PSMF1: variants seen among roughly 807,000 people sequenced by gnomAD.
The protein encoded by PSMF1 is proteasome inhibitor subunit 1.
A neutral mutation model predicts 29.3 loss-of-function variants in PSMF1; 30 were observed. The observed-to-expected ratio is 1.02, with a 90% CI of 0.77 to 1.39. The LOEUF (loss-of-function observed/expected upper bound fraction) is 1.39, where lower values mean the gene tolerates loss of function less well. Among genes scored for constraint, PSMF1 ranks in the 40% most tolerant of loss-of-function variants. The probability of loss-of-function intolerance (pLI) is 0.00; values close to 1 mark genes in which losing one functional copy is unlikely to be tolerated. For synonymous variants in PSMF1, 134 were observed against 139.7 expected, an observed-to-expected ratio of 0.96 and a Z score of 0.29; for missense variants, 344 against 357.5, an observed-to-expected ratio of 0.96 and a Z score of 0.31.
intron 4 of PSMF1, among the ~76,000 whole-genome samples, chr20:1,160,220 A>G (rs2086649609): frequency 6.6e-6 from 1 of 151,700 alleles, no homozygotes; most frequent in African/African-American, 2.4e-5. Flanking sequence ...CACGTTTTTC[A>G]CCGTTGATTT....
At position 1,135,111 on chromosome 20, in the gene PSMF1, C is replaced by T. The variant is rs367801111; in HGVS notation, c.366-10C>T. The T allele has an allele frequency of 3.7e-6, 6 of 1,614,100 alleles. No homozygotes were observed. Among genetic ancestry groups the T allele is most frequent in the Non-Finnish European group, 5.1e-6 (6 of 1,179,942 alleles). ...CTGCAAGCAGTTGACTCTTCATCTG[C>T]TTCCTGCAGGACCTACAAGAACAGT... On this transcript the variant is annotated splice_polypyrimidine_tract_variant and intron_variant, in intron 3 of 6. Transcript: ENST00000335877.
rs1232577520 is a variant in PSMF1, at chr20:1,168,589, T to C, written c.*3509T>C. On this transcript the variant is annotated 3_prime_UTR_variant, in exon 7 of 7. Coordinates refer to ENST00000335877, the MANE Select transcript of PSMF1 (RefSeq NM_006814.5). Reference sequence around the variant, plus strand: ...TTGAGACTGAAACTCCAAGAATGTATTGTGCTCACAGTGGCGATGGTGTTC... The same window carrying C: ...TTGAGACTGAAACTCCAAGAATGTACTGTGCTCACAGTGGCGATGGTGTTC... Among the ~76,000 whole-genome samples the C allele has an allele frequency of 1.3e-5, 2 of 152,234 alleles. No individual in the cohort carries two copies. Among genetic ancestry groups the C allele is most frequent in the East Asian group, 3.9e-4 (2 of 5,194 alleles).
intron 4 of PSMF1, among the ~76,000 whole-genome samples, chr20:1,144,653 G>A (rs1209830159): frequency 6.6e-6 from 1 of 152,222 alleles, no homozygotes; most frequent in Non-Finnish European, 1.5e-5. Flanking sequence ...TTATTATGCT[G>A]AGTGAAAGAA....
intron 4 of PSMF1, among the ~76,000 whole-genome samples, chr20:1,147,167 T>C (rs1383762634): frequency 8.6e-6 from 1 of 116,002 alleles, no homozygotes; most frequent in African/African-American, 3.6e-5. Context: ...ATCATCATCA[T>C]CATCATCATC....
At chr20:1,152,183 AGT>A (rs1402179699) in intron 4 of PSMF1, among the ~76,000 whole-genome samples, 6 of 152,190 alleles carry the variant, frequency 3.9e-5, no homozygotes, top group African/African-American at 1.4e-4. Flanking sequence ...TTAAATGTAA[AGT>A]ATATGTAAAA....
At position 1,154,170 on chromosome 20, in the gene PSMF1, G is replaced by T. The variant is rs1051736498; in HGVS notation, c.552-8960G>T. 5.9e-5 allele frequency among the ~76,000 whole-genome samples: 9 copies of T among 152,186 alleles called. No individual in the cohort carries two copies. In the South Asian group the frequency reaches 1.7e-3, roughly 28 times the overall value. On this transcript the variant is annotated intron_variant, in intron 4 of 6. Coordinates refer to ENST00000335877, the MANE Select transcript of PSMF1 (RefSeq NM_006814.5). ...TATTGTTACAGTCACATTAAAACAT[G>T]CTTATGAAAGAAGACATGAAAATAA...
At chr20:1,139,770 G>A (rs1427992763) in intron 4 of PSMF1, among the ~76,000 whole-genome samples, 1 of 149,560 alleles carries the variant, frequency 6.7e-6, no homozygotes. Context: ...ATAAAAATCA[G>A]TTGTATTTCT....
intron 2 of PSMF1, 147 bp from the exon 3 acceptor site, chr20:1,127,279 G>A: frequency 1.3e-6 from 1 of 784,024 alleles, no homozygotes; most frequent in South Asian, 1.3e-5. Context: ...GCCTTAGGAA[G>A]GTATTTCATA....
intron 4 of PSMF1, among the ~76,000 whole-genome samples, chr20:1,158,791 A>T (rs2086627594): frequency 2.0e-5 from 3 of 152,180 alleles, no homozygotes; most frequent in Non-Finnish European, 4.4e-5. Context: ...AAATGATTTT[A>T]AAAATACCTG....
chr20:1,162,883 T>G (rs1046270250), intron 4 of PSMF1, among the ~76,000 whole-genome samples: 7 of 152,166 alleles, frequency 4.6e-5, no homozygotes, highest in Non-Finnish European at 8.8e-5. Flanking sequence ...GTTACCAATA[T>G]TAATATTTTA....
intron 4 of PSMF1, among the ~76,000 whole-genome samples, chr20:1,143,413 T>C (rs1422294716): frequency 6.6e-6 from 1 of 152,206 alleles, no homozygotes; most frequent in Non-Finnish European, 1.5e-5. Flanking sequence ...TAGATGATGC[T>C]GGAGCAATTG....
At chr20:1,134,782 A>G (rs148314205) in intron 3 of PSMF1, 2 of 379,320 alleles carry the variant, frequency 5.3e-6, no homozygotes, top group Non-Finnish European at 1.0e-5. Flanking sequence ...CGTGATGAAC[A>G]CACAATGAAG....
intron 1 of PSMF1, among the ~76,000 whole-genome samples, chr20:1,121,855 C>A (rs1411974764): frequency 6.6e-6 from 1 of 152,158 alleles, no homozygotes; most frequent in Non-Finnish European, 1.5e-5. Flanking sequence ...AGAACCACTC[C>A]TCACAAGAAC....
upstream of PSMF1, among the ~76,000 whole-genome samples, chr20:1,113,794 G>C (rs1367520580): frequency 6.6e-6 from 1 of 152,062 alleles, no homozygotes; most frequent in Non-Finnish European, 1.5e-5. Context: ...TCGGGTTCAC[G>C]CCATTCTCCT....
At chr20:1,141,216 G>A (rs1341078253) in intron 4 of PSMF1, among the ~76,000 whole-genome samples, 4 of 152,286 alleles carry the variant, frequency 2.6e-5, no homozygotes, top group Middle Eastern at 3.4e-3. Context: ...TGGGTACCAG[G>A]TTTCTTTTTG....
Position 1,165,181 on chromosome 20 carries a change from A to T in PSMF1, c.*101A>T. ...TGTTCTTGCAGGCTGGGGGCAAGGG[A>T]TTCTGCTCATGTGTTTGCAGACCGG... On this transcript the variant is annotated 3_prime_UTR_variant, in exon 7 of 7. Coordinates refer to ENST00000335877, the MANE Select transcript of PSMF1 (RefSeq NM_006814.5). The T allele has an allele frequency of 6.3e-7, 1 of 1,597,594 alleles. No homozygotes were observed. The highest frequency in any genetic ancestry group is 8.5e-7 in the Non-Finnish European group (1 of 1,171,362).
chr20:1,155,168 G>C (rs1438172668), intron 4 of PSMF1, among the ~76,000 whole-genome samples: 1 of 152,224 alleles, frequency 6.6e-6, no homozygotes, highest in African/African-American at 2.4e-5. Flanking sequence ...GAAACCCAAA[G>C]TGAGGAAATG....
At position 1,149,571 on chromosome 20, in the gene PSMF1, A is replaced by G. The variant is rs115382330; in HGVS notation, c.552-13559A>G. Among the ~76,000 whole-genome samples the G allele has an allele frequency of 2.3e-3, 347 of 152,322 alleles. 1 individual carries two copies. Among genetic ancestry groups the G allele is most frequent in the African/African-American group, 7.8e-3 (326 of 41,556 alleles). On this transcript the variant is annotated intron_variant, in intron 4 of 6. Transcript: ENST00000335877. ...AATGGGCTCACATCCTTTTCGAGAAAATGTCCGCTATGTAGCCAAGTTGAA... is the reference window on the plus strand; with the variant it reads ...AATGGGCTCACATCCTTTTCGAGAAGATGTCCGCTATGTAGCCAAGTTGAA...
chr20:1,125,782 C>A, intron 2 of PSMF1, 132 bp downstream of exon 2: 2 of 1,245,842 alleles, frequency 1.6e-6, no homozygotes, highest in Non-Finnish European at 2.2e-6. Flanking sequence ...ACTTCTGGAA[C>A]TTTATCTTAA....
Sources: allele counts gnomAD v4.1 joint callset (sites outside exome capture counted in the v4.1 genomes callset), GRCh38; gene constraint gnomAD v4.1.1; transcripts MANE v1.5; gene names NCBI Gene and HGNC (gene_info 2026-07-23, HGNC 2026-07-21).